Variants in MICAL3 observed in about 807,000 individuals in gnomAD.
The protein encoded by MICAL3 is microtubule associated monooxygenase, calponin and LIM domain containing 3.
MICAL3 carries 62 observed loss-of-function variants against 207.4 expected under a neutral mutation model. That is an observed-to-expected ratio of 0.30 (90% confidence interval 0.24 to 0.37). The LOEUF is 0.37. MICAL3 is among the 10% of genes least tolerant of loss of function. The pLI, the probability that MICAL3 is intolerant of heterozygous loss-of-function variation, is 1.00. For missense variants in MICAL3, 2,368 were observed against 2,635.6 expected, an observed-to-expected ratio of 0.90 and a Z score of 2.22; for synonymous variants, 1,077 against 1,069.3, an observed-to-expected ratio of 1.01 and a Z score of -0.14.
chr22:17,867,010 A>G (rs1369350933), intron 17 of MICAL3, among the ~76,000 whole-genome samples: 1 of 152,220 alleles, frequency 6.6e-6, no homozygotes, highest in African/African-American at 2.4e-5. Flanking sequence ...TAGACAAATG[A>G]GCTTTCCTGA....
At chr22:17,924,784 AGT>A in intron 1 of MICAL3, among the ~76,000 whole-genome samples, 1 of 152,336 alleles carries the variant, frequency 6.6e-6, no homozygotes, top group East Asian at 1.9e-4. Flanking sequence ...CTCAAGCCAC[AGT>A]GTGAGAACAG....
chr22:17,810,663 T>G, intron 28 of MICAL3, 40 bp downstream of exon 28: 1 of 1,498,750 alleles, frequency 6.7e-7, no homozygotes, highest in Non-Finnish European at 9.3e-7. Context: ...TGCCCAACCC[T>G]CCCATGCATG....
chr22:17,905,180 T>A (rs1043806377), intron 2 of MICAL3, among the ~76,000 whole-genome samples: 2 of 152,144 alleles, frequency 1.3e-5, no homozygotes, highest in Non-Finnish European at 2.9e-5. Flanking sequence ...CAATCTTACA[T>A]CAACAGGAGA....
At chr22:17,937,330 T>C (rs9604809) in intron 1 of MICAL3, among the ~76,000 whole-genome samples, 6,946 of 152,242 alleles carry the variant, frequency 0.046, 238 homozygotes, top group African/African-American at 0.097. Flanking sequence ...GGCCAAAGTC[T>C]AGCTTTCCCC....
intron 19 of MICAL3, among the ~76,000 whole-genome samples, chr22:17,843,120 C>CAGAAA (rs1924234053): frequency 1.6e-5 from 1 of 62,916 alleles, no homozygotes; most frequent in Admixed American, 1.9e-4. Flanking sequence ...GACTTCATCT[C>CAGAAA]AAAAAAAAAA....
At chr22:17,896,501 T>C (rs890071148) in intron 8 of MICAL3, 140 bp from the exon 9 acceptor site, 41 of 747,542 alleles carry the variant, frequency 5.5e-5, no homozygotes, top group African/African-American at 1.1e-4. Context: ...CCTTCCCAGA[T>C]TGGCAAGGAG....
chr22:17,963,270 G>A (rs920358279), intron 1 of MICAL3, among the ~76,000 whole-genome samples: 4 of 151,934 alleles, frequency 2.6e-5, no homozygotes, highest in Non-Finnish European at 4.4e-5. Flanking sequence ...GTGTCATCAC[G>A]CCTGGCTAAT....
At chr22:17,801,024 A>C (rs1348852691) in intron 29 of MICAL3, among the ~76,000 whole-genome samples, 4 of 152,122 alleles carry the variant, frequency 2.6e-5, no homozygotes, top group Non-Finnish European at 5.9e-5. Flanking sequence ...AGAAGTCTTG[A>C]ATTTACGCAG....
intron 1 of MICAL3, chr22:18,019,203 A>G (rs1924271123): frequency 6.6e-6 from 1 of 152,306 alleles, no homozygotes; most frequent in African/African-American, 2.4e-5. Flanking sequence ...TCAAAAAAAA[A>G]AGGACCCACC....
Position 17,901,004 on chromosome 22 carries a change from G to C in MICAL3, c.692-7C>G. The C allele has an allele frequency of 6.2e-7, 1 of 1,613,800 alleles. No individual in the cohort carries two copies. Among genetic ancestry groups the C allele is most frequent in the Non-Finnish European group, 8.5e-7 (1 of 1,179,714 alleles). On this transcript the variant is annotated splice_region_variant and splice_polypyrimidine_tract_variant and intron_variant, in intron 5 of 31. Coordinates refer to ENST00000441493, the MANE Select transcript of MICAL3 (RefSeq NM_015241.3). Reference sequence around the variant, plus strand: ...AATTCTTTCCGACGAAACCCTGGAGGGAAATAAATTTTCAGAGGTGATAAT... The same window carrying C: ...AATTCTTTCCGACGAAACCCTGGAGCGAAATAAATTTTCAGAGGTGATAAT...
Position 17,906,022 on chromosome 22 carries a change from A to G in MICAL3, c.264+527T>C, listed in dbSNP as rs868088221. 1.2e-3 allele frequency among the ~76,000 whole-genome samples: 190 copies of G among 152,310 alleles called. 1 individual carries two copies. Among genetic ancestry groups the G allele is most frequent in the African/African-American group, 4.3e-3 (178 of 41,558 alleles). On this transcript the variant is annotated intron_variant, in intron 2 of 31. Transcript: ENST00000441493. Reference sequence around the variant, plus strand: ...CCAGCTACTGAGTATGGAACTTTGGAAAGAGGACATGCCAAGAACCCCAAA... The same window carrying G: ...CCAGCTACTGAGTATGGAACTTTGGGAAGAGGACATGCCAAGAACCCCAAA...
intron 20 of MICAL3, among the ~76,000 whole-genome samples, chr22:17,833,854 C>T (rs451740): frequency 0.32 from 49,270 of 152,012 alleles, 8,383 homozygotes; most frequent in African/African-American, 0.44. Context: ...CGTCACACAT[C>T]GAGACCAAGA....
intron 1 of MICAL3, among the ~76,000 whole-genome samples, chr22:18,010,856 T>G (rs1923673415): frequency 6.6e-6 from 1 of 152,152 alleles, no homozygotes; most frequent in Non-Finnish European, 1.5e-5. Context: ...TTTGTACTTT[T>G]TCATTTGGGA....
At chr22:17,981,701 G>A (rs941125307) in intron 1 of MICAL3, among the ~76,000 whole-genome samples, 1 of 152,214 alleles carries the variant, frequency 6.6e-6, no homozygotes, top group African/African-American at 2.4e-5. Context: ...CTCCACCACA[G>A]ACACAGCAGG....
chr22:17,928,226 T>G (rs981195051), intron 1 of MICAL3, among the ~76,000 whole-genome samples: 1 of 151,870 alleles, frequency 6.6e-6, no homozygotes, highest in Non-Finnish European at 1.5e-5. Context: ...CATCACGAGG[T>G]CAGGAGATCG....
At position 17,901,983 on chromosome 22, in the gene MICAL3, T is replaced by C. The variant is rs755548563; in HGVS notation, c.590-4A>G. On this transcript the variant is annotated splice_region_variant and splice_polypyrimidine_tract_variant and intron_variant, in intron 4 of 31. Transcript: ENST00000441493. ...ACCAGTGCCCGCCAGCCTATCCCTG[T>C]GAACCAAAACCAAATAAATGGGGGT... The C allele has an allele frequency of 6.2e-7, 1 of 1,610,704 alleles. No individual in the cohort carries two copies. The highest frequency in any genetic ancestry group is 1.7e-5 in the Admixed American group (1 of 59,856).
Position 17,906,398 on chromosome 22 carries a change from G to A in MICAL3, c.264+151C>T, listed in dbSNP as rs1041179220. ...ATCCTCCTCTTTGGCACCTGGATATGGTCGATGGCTCTGGCACAGAACTTG... is the reference window on the plus strand; with the variant it reads ...ATCCTCCTCTTTGGCACCTGGATATAGTCGATGGCTCTGGCACAGAACTTG... On this transcript the variant is annotated intron_variant, in intron 2 of 31. Transcript: ENST00000441493. 3 of 1,509,256 alleles carry A rather than the reference G, an allele frequency of 2.0e-6. No individual in the cohort carries two copies. The African/African-American group carries it at 4.1e-5, about 21-fold the overall frequency. The allele number at this position is 1,509,256 out of a possible 1,614,324, so 93.5% of individuals were successfully genotyped here.
At chr22:17,970,904 G>A (rs1307160642) in intron 1 of MICAL3, among the ~76,000 whole-genome samples, 2 of 152,110 alleles carry the variant, frequency 1.3e-5, no homozygotes, top group South Asian at 2.1e-4. Flanking sequence ...TCTGGAGGCC[G>A]GGCATAGTGG....
chr22:17,980,198 C>T (rs900476222), intron 1 of MICAL3, among the ~76,000 whole-genome samples: 1 of 152,166 alleles, frequency 6.6e-6, no homozygotes, highest in Non-Finnish European at 1.5e-5. Context: ...GGATGTAGCC[C>T]TCTCTAGCAG....
Sources: allele counts gnomAD v4.1 joint callset (sites outside exome capture counted in the v4.1 genomes callset), GRCh38; gene constraint gnomAD v4.1.1; transcripts MANE v1.5; gene names NCBI Gene and HGNC (gene_info 2026-07-23, HGNC 2026-07-21).